AGBL4: variants seen among roughly 807,000 people sequenced by gnomAD.
AGBL4 encodes the protein AGBL carboxypeptidase 4.
In AGBL4, 58 loss-of-function variants were observed where a neutral mutation model predicts 66.4. That is an observed-to-expected ratio of 0.87 (90% CI 0.71 to 1.09). The LOEUF is 1.09. Ranked by LOEUF, AGBL4 falls within the 50% of genes least tolerant of loss-of-function variation. The pLI is 0.00. For missense variants in AGBL4, 579 were observed against 631.0 expected (o/e 0.92, Z 0.88); for synonymous variants, 234 against 222.9 (o/e 1.05, Z -0.44).
At chr1:49,719,635 T>C (rs1265262527) in intron 2 of AGBL4, among the ~76,000 whole-genome samples, 1 of 152,106 alleles carries the variant, frequency 6.6e-6, no homozygotes, top group African/African-American at 2.4e-5. Flanking sequence ...CCTTCCTCCA[T>C]AAAAGACTGA....
chr1:49,118,359 T>A (rs574852637), intron 4 of AGBL4, among the ~76,000 whole-genome samples: 58 of 152,234 alleles, frequency 3.8e-4, no homozygotes, highest in Non-Finnish European at 5.0e-4. Flanking sequence ...GGGTTTGTCA[T>A]AAATGGCTCT....
At chr1:49,013,483 T>A (rs1430338663) in intron 5 of AGBL4, among the ~76,000 whole-genome samples, 1 of 152,192 alleles carries the variant, frequency 6.6e-6, no homozygotes. Flanking sequence ...AGCCCTTTAT[T>A]TTACAAAGTT....
At chr1:49,779,146 TATAAAA>T (rs1198901460) in intron 2 of AGBL4, among the ~76,000 whole-genome samples, 2 of 152,216 alleles carry the variant, frequency 1.3e-5, no homozygotes, top group East Asian at 3.9e-4. Context: ...CAATTAATGC[TATAAAA>T]TAGCACTCCT....
intron 3 of AGBL4, among the ~76,000 whole-genome samples, chr1:49,395,715 C>T (rs557296919): frequency 3.0e-4 from 43 of 143,208 alleles, no homozygotes; most frequent in African/African-American, 1.1e-3. Context: ...AAAACCAGTC[C>T]CTGGTGCCAA....
At chr1:48,862,393 C>T (rs1488398164) in intron 6 of AGBL4, among the ~76,000 whole-genome samples, 1 of 152,178 alleles carries the variant, frequency 6.6e-6, no homozygotes, top group Non-Finnish European at 1.5e-5. Context: ...GTGATCTCCG[C>T]TCACTGCAAG....
chr1:49,869,867 T>C (rs1314379035), intron 1 of AGBL4, among the ~76,000 whole-genome samples: 2 of 152,156 alleles, frequency 1.3e-5, no homozygotes, highest in African/African-American at 4.8e-5. Flanking sequence ...AGTGCAAACA[T>C]ACACATTGAC....
chr1:49,495,210 A>T (rs1159375051), intron 3 of AGBL4, among the ~76,000 whole-genome samples: 1 of 152,106 alleles, frequency 6.6e-6, no homozygotes, highest in African/African-American at 2.4e-5. Flanking sequence ...TTTATCTAAC[A>T]AAAAGAAATC....
At chr1:48,721,798 C>T (rs899744882) in intron 6 of AGBL4, among the ~76,000 whole-genome samples, 30 of 152,196 alleles carry the variant, frequency 2.0e-4, no homozygotes, top group Non-Finnish European at 4.1e-4. Flanking sequence ...CGTTGCTCTC[C>T]CTCCATCTGT....
intron 2 of AGBL4, among the ~76,000 whole-genome samples, chr1:49,765,040 C>T (rs1652633312): frequency 6.6e-6 from 1 of 152,170 alleles, no homozygotes; most frequent in African/African-American, 2.4e-5. Context: ...GAGCTCCTCC[C>T]AGTCGCCCTT....
intron 2 of AGBL4, among the ~76,000 whole-genome samples, chr1:49,789,655 C>A (rs1160001551): frequency 6.6e-6 from 1 of 152,120 alleles, no homozygotes; most frequent in Non-Finnish European, 1.5e-5. Flanking sequence ...TCAAGGAGAA[C>A]TACAAACCAC....
At chr1:49,760,138 A>G (rs1236461871) in intron 2 of AGBL4, among the ~76,000 whole-genome samples, 7 of 151,954 alleles carry the variant, frequency 4.6e-5, no homozygotes, top group Non-Finnish European at 1.0e-4. Context: ...CCACTTTTTG[A>G]TGGGGTTGTT....
intron 2 of AGBL4, among the ~76,000 whole-genome samples, chr1:49,826,116 G>A (rs1645503620): frequency 6.6e-6 from 1 of 151,910 alleles, no homozygotes; most frequent in African/African-American, 2.4e-5. Flanking sequence ...AAATTGATAA[G>A]CTTAAAAAGT....
intron 1 of AGBL4, among the ~76,000 whole-genome samples, chr1:50,002,630 A>G (rs2148422265): frequency 6.6e-6 from 1 of 151,876 alleles, no homozygotes; most frequent in Middle Eastern, 3.4e-3. Flanking sequence ...CGGCCTCCCA[A>G]AGTGCTGGGA....
intron 1 of AGBL4, among the ~76,000 whole-genome samples, chr1:49,953,024 CCTT>C (rs1656295323): frequency 6.6e-6 from 1 of 151,874 alleles, no homozygotes; most frequent in South Asian, 2.1e-4. Context: ...TAGCCAGTCT[CCTT>C]CTAAATCTGG....
chr1:48,783,564 A>T (rs750253637), intron 6 of AGBL4, among the ~76,000 whole-genome samples: 2 of 152,194 alleles, frequency 1.3e-5, no homozygotes, highest in Non-Finnish European at 2.9e-5. Flanking sequence ...ACTTTGTTAC[A>T]TCTTTGCTGT....
At chr1:49,249,421 C>T (rs538762153) in intron 3 of AGBL4, among the ~76,000 whole-genome samples, 4 of 152,100 alleles carry the variant, frequency 2.6e-5, no homozygotes, top group South Asian at 2.1e-4. Context: ...CCTGAATAGA[C>T]ATTTATCAAA....
At chr1:49,876,023 A>T (rs1336089052) in intron 1 of AGBL4, among the ~76,000 whole-genome samples, 3 of 145,422 alleles carry the variant, frequency 2.1e-5, no homozygotes, top group African/African-American at 7.7e-5. Context: ...TTCCTTGTAA[A>T]TTTGTTTGAG....
chr1:48,635,478 C>A (rs1645653599), intron 8 of AGBL4, among the ~76,000 whole-genome samples: 1 of 152,228 alleles, frequency 6.6e-6, no homozygotes, highest in African/African-American at 2.4e-5. Flanking sequence ...TAGCGTCCTG[C>A]CTAGCCTCTC....
chr1:49,797,031 T>C (rs1644748155), intron 2 of AGBL4, among the ~76,000 whole-genome samples: 2 of 152,168 alleles, frequency 1.3e-5, no homozygotes, highest in African/African-American at 2.4e-5. Context: ...GTGTTATCCT[T>C]ATAAGAAATA....
Sources: gnomAD v4.1 joint callset for allele counts (sites outside exome capture counted in the v4.1 genomes callset) on GRCh38, gnomAD v4.1.1 for gene constraint, MANE v1.5 for transcripts, NCBI Gene and HGNC (gene_info 2026-07-23, HGNC 2026-07-21) for gene names.